Variants in ZFHX3 observed in about 807,000 individuals in gnomAD.
The protein encoded by ZFHX3 is zinc finger homeobox protein 3.
ZFHX3 carries 42 observed loss-of-function variants against 279.1 expected under a neutral mutation model. That is an observed-to-expected ratio of 0.15 (90% CI 0.12 to 0.19). The LOEUF (loss-of-function observed/expected upper bound fraction) is 0.19. Ranked by LOEUF, ZFHX3 falls within the 10% of genes least tolerant of loss-of-function variation. The pLI is 1.00. For missense variants in ZFHX3, 4,981 were observed against 4,754.0 expected, an observed-to-expected ratio of 1.05 and a Z score of -1.40; for synonymous variants, 2,293 against 1,957.8, an observed-to-expected ratio of 1.17 and a Z score of -4.52.
At chr16:73,205,122 T>A (rs1024501820) in intron 5 of ZFHX3, among the ~76,000 whole-genome samples, 1 of 152,142 alleles carries the variant, frequency 6.6e-6, no homozygotes, top group Non-Finnish European at 1.5e-5. Context: ...TGACCCTGAT[T>A]GATGGTCTGG....
intron 2 of ZFHX3, among the ~76,000 whole-genome samples, chr16:73,478,329 G>C (rs1023854940): frequency 6.6e-6 from 1 of 151,752 alleles, no homozygotes; most frequent in East Asian, 1.9e-4. Context: ...CCTGAACAGG[G>C]ACTTGAACCC....
intron 1 of ZFHX3, among the ~76,000 whole-genome samples, chr16:73,857,020 G>T (rs1961748714): frequency 6.6e-6 from 1 of 152,222 alleles, no homozygotes; most frequent in Admixed American, 6.5e-5. Flanking sequence ...GAGTGCCGAG[G>T]TAATTCCTTC....
chr16:73,248,344 G>C (rs2013369379), intron 5 of ZFHX3, among the ~76,000 whole-genome samples: 1 of 151,468 alleles, frequency 6.6e-6, no homozygotes, highest in Admixed American at 6.6e-5. Flanking sequence ...GAGTGTGTAT[G>C]TGTGTGTGGT....
intron 1 of ZFHX3, among the ~76,000 whole-genome samples, chr16:73,044,374 A>G (rs560013088): frequency 5.3e-5 from 8 of 152,344 alleles, no homozygotes; most frequent in African/African-American, 1.4e-4. Context: ...TCACAGAAAT[A>G]GGCCAGGCTA....
intron 1 of ZFHX3, among the ~76,000 whole-genome samples, chr16:73,827,770 AGTTT>A (rs1269066097): frequency 2.6e-4 from 31 of 120,162 alleles, no homozygotes; most frequent in South Asian, 1.3e-3. Flanking sequence ...TCTGAGAGAT[AGTTT>A]GTTATAATTT....
chr16:73,274,901 G>C (rs528986681), intron 4 of ZFHX3, among the ~76,000 whole-genome samples: 2 of 152,292 alleles, frequency 1.3e-5, no homozygotes, highest in African/African-American at 4.8e-5. Context: ...ATTTCGGATA[G>C]ATACCCTTTA....
intron 7 of ZFHX3, among the ~76,000 whole-genome samples, chr16:73,109,593 C>T (rs1299788544): frequency 3.3e-5 from 5 of 152,044 alleles, no homozygotes; most frequent in African/African-American, 9.7e-5. Context: ...TGCAGTGCCT[C>T]GTGCCTGTAA....
chr16:73,355,812 C>T (rs889759565), intron 3 of ZFHX3, among the ~76,000 whole-genome samples: 1 of 152,138 alleles, frequency 6.6e-6, no homozygotes, highest in Admixed American at 6.6e-5. Context: ...TGATCTGTTC[C>T]AACAGAGCGC....
At chr16:73,470,156 C>T (rs914997210) in intron 2 of ZFHX3, among the ~76,000 whole-genome samples, 7 of 152,162 alleles carry the variant, frequency 4.6e-5, no homozygotes, top group African/African-American at 1.2e-4. Flanking sequence ...ATGACAATAC[C>T]GCCCATCTTG....
Position 72,798,420 on chromosome 16 carries a change from T to G in ZFHX3, c.4262A>C (p.Gln1421Pro), listed in dbSNP as rs201475316. 1 of 1,614,214 alleles carries G rather than the reference T, an allele frequency of 6.2e-7. No homozygotes were observed. The highest frequency in any genetic ancestry group is 1.7e-5 in the Admixed American group (1 of 60,026). ...KTIEKLQLHS[Q>P]YHVIRAATMC... ...GGTGGCAGCTCTGATCACATGGTACTGAGAATGGAGCTGCAACTTTTCAAT... is the reference window on the plus strand; with the variant it reads ...GGTGGCAGCTCTGATCACATGGTACGGAGAATGGAGCTGCAACTTTTCAAT... The change falls in exon 9 of 10, where the codon CAG becomes CCG. Residue 1421 changes from glutamine (Q) to proline (P), a missense_variant. Transcript: ENST00000268489.
intron 3 of ZFHX3, among the ~76,000 whole-genome samples, chr16:73,396,708 C>T (rs2017137002): frequency 6.6e-6 from 1 of 152,206 alleles, no homozygotes; most frequent in Admixed American, 6.5e-5. Context: ...AAGAGAACAG[C>T]ATGGGGGAAA....
intron 3 of ZFHX3, among the ~76,000 whole-genome samples, chr16:73,439,100 A>C (rs2018043316): frequency 1.3e-5 from 2 of 152,218 alleles, no homozygotes; most frequent in African/African-American, 4.8e-5. Flanking sequence ...AAAGCAAATT[A>C]ATAGAACCTA....
At chr16:73,770,698 A>C (rs1406738556) in intron 1 of ZFHX3, among the ~76,000 whole-genome samples, 1 of 152,206 alleles carries the variant, frequency 6.6e-6, no homozygotes, top group Non-Finnish European at 1.5e-5. Flanking sequence ...TAGAAGCCCT[A>C]ACATTTTCTT....
At chr16:73,709,575 A>T (rs531963069) in intron 1 of ZFHX3, among the ~76,000 whole-genome samples, 26 of 152,112 alleles carry the variant, frequency 1.7e-4, no homozygotes, top group Non-Finnish European at 2.9e-4. Flanking sequence ...AATCTAAAAA[A>T]GTCAAACTCA....
chr16:73,819,141 T>C (rs1459435720), intron 1 of ZFHX3, among the ~76,000 whole-genome samples: 2 of 152,022 alleles, frequency 1.3e-5, no homozygotes, highest in Middle Eastern at 3.2e-3. Flanking sequence ...GGCATAGCAA[T>C]GTCTGAGATT....
At chr16:73,119,730 G>A (rs1004980546) in intron 7 of ZFHX3, among the ~76,000 whole-genome samples, 2 of 152,280 alleles carry the variant, frequency 1.3e-5, no homozygotes, top group South Asian at 2.1e-4. Flanking sequence ...TATCCCCCAG[G>A]CTGGAATGCA....
chr16:72,914,495 G>A (rs985401180), intron 3 of ZFHX3, among the ~76,000 whole-genome samples: 14 of 152,180 alleles, frequency 9.2e-5, no homozygotes, highest in African/African-American at 3.1e-4. Context: ...GGAAAAAAGC[G>A]ATCAGCAGGC....
intron 1 of ZFHX3, among the ~76,000 whole-genome samples, chr16:73,771,745 A>G (rs761161513): frequency 2.2e-4 from 32 of 147,932 alleles, no homozygotes; most frequent in Non-Finnish European, 2.8e-4. Context: ...TCCAGTCCTT[A>G]TTGCCTTAAA....
chr16:73,019,425 C>T (rs1964223095), intron 1 of ZFHX3, among the ~76,000 whole-genome samples: 1 of 152,168 alleles, frequency 6.6e-6, no homozygotes, highest in African/African-American at 2.4e-5. Flanking sequence ...GCCTGGTTTA[C>T]AGGCCACCAC....
Sources: gnomAD v4.1 joint callset for allele counts (sites outside exome capture counted in the v4.1 genomes callset) on GRCh38, gnomAD v4.1.1 for gene constraint, MANE v1.5 for transcripts, NCBI Gene and HGNC (gene_info 2026-07-23, HGNC 2026-07-21) for gene names.